Variants in EVI5 observed in about 807,000 individuals in gnomAD.
The protein encoded by EVI5 is ecotropic viral integration site 5.
In EVI5, 73 loss-of-function variants were observed where a neutral mutation model predicts 112.0. The ratio of observed to expected loss-of-function variants is 0.65; its 90% CI spans 0.54 to 0.79. EVI5 has a LOEUF of 0.79. Ranked by LOEUF, EVI5 falls within the 30% of genes least tolerant of loss-of-function variation. The probability of loss-of-function intolerance (pLI) is 0.00; values close to 1 mark genes in which losing one functional copy is unlikely to be tolerated. For synonymous variants in EVI5, 305 were observed against 319.9 expected, an observed-to-expected ratio of 0.95 and a Z score of 0.50; for missense variants, 900 against 968.8, an observed-to-expected ratio of 0.93 and a Z score of 0.94.
intron 1 of EVI5, among the ~76,000 whole-genome samples, chr1:92,775,939 T>C (rs1385130933): frequency 1.3e-5 from 2 of 151,998 alleles, no homozygotes; most frequent in Admixed American, 1.3e-4. Flanking sequence ...AAACCCTGAT[T>C]CTACTAAAAA....
intron 1 of EVI5, among the ~76,000 whole-genome samples, chr1:92,772,554 T>C (rs1173194414): frequency 6.7e-6 from 1 of 150,316 alleles, no homozygotes; most frequent in East Asian, 1.9e-4. Flanking sequence ...ATTCCACCAC[T>C]ATTCATTTAT....
chr1:92,786,910 T>G (rs1214037905), upstream of EVI5, among the ~76,000 whole-genome samples: 2 of 152,212 alleles, frequency 1.3e-5, no homozygotes, highest in African/African-American at 4.8e-5. Flanking sequence ...CTTCCTGGCC[T>G]CAACAGAGCT....
At chr1:92,546,321 T>C (rs1006443630) in intron 19 of EVI5, among the ~76,000 whole-genome samples, 3 of 152,128 alleles carry the variant, frequency 2.0e-5, no homozygotes, top group Non-Finnish European at 4.4e-5. Context: ...TCCACTGTTA[T>C]AAAGATGATA....
intron 1 of EVI5, among the ~76,000 whole-genome samples, chr1:92,754,184 G>C (rs1680582124): frequency 6.6e-6 from 1 of 152,146 alleles, no homozygotes; most frequent in Non-Finnish European, 1.5e-5. Context: ...CAAACATCAG[G>C]CTATCTCAGC....
chr1:92,766,668 A>G (rs896341872), intron 1 of EVI5, among the ~76,000 whole-genome samples: 44 of 152,228 alleles, frequency 2.9e-4, no homozygotes, highest in African/African-American at 1.0e-3. Context: ...CATTTTAGTT[A>G]CTTTAACTAC....
chr1:92,612,858 T>C (rs1297483150), intron 16 of EVI5, among the ~76,000 whole-genome samples: 1 of 151,408 alleles, frequency 6.6e-6, no homozygotes. Flanking sequence ...CTAGAATAAA[T>C]ATCAGACTGG....
At chr1:92,548,350 AAAT>A (rs1420054520) in intron 19 of EVI5, among the ~76,000 whole-genome samples, 2 of 152,194 alleles carry the variant, frequency 1.3e-5, no homozygotes, top group African/African-American at 2.4e-5. Context: ...ACGTATCTCA[AAAT>A]AATAAGAGCT....
At chr1:92,714,485 T>C (rs1425323360) in intron 2 of EVI5, among the ~76,000 whole-genome samples, 2 of 152,198 alleles carry the variant, frequency 1.3e-5, no homozygotes. Flanking sequence ...TAGAGAGAAT[T>C]CAAATTATTA....
intron 2 of EVI5, among the ~76,000 whole-genome samples, chr1:92,725,751 C>T (rs979567051): frequency 1.3e-5 from 2 of 149,324 alleles, no homozygotes; most frequent in African/African-American, 2.5e-5. Flanking sequence ...GCATGCAAAG[C>T]AGAAGAAAAG....
chr1:92,635,120 G>A (rs781335146), intron 14 of EVI5, among the ~76,000 whole-genome samples: 25 of 152,132 alleles, frequency 1.6e-4, no homozygotes, highest in South Asian at 2.1e-4. Context: ...TAGGCTACTC[G>A]GGGGTCAGGG....
chr1:92,573,575 C>T (rs529265457), intron 18 of EVI5, among the ~76,000 whole-genome samples: 1 of 152,136 alleles, frequency 6.6e-6, no homozygotes, highest in South Asian at 2.1e-4. Context: ...CAAATGGTCT[C>T]CACATTTCCA....
chr1:92,624,045 G>A, intron 16 of EVI5, 131 bp downstream of exon 16: 1 of 713,498 alleles, frequency 1.4e-6, no homozygotes, highest in Non-Finnish European at 2.3e-6. Flanking sequence ...CTTCATTTGG[G>A]CTAGAAAACT....
At chr1:92,622,547 G>A (rs987071203) in intron 16 of EVI5, among the ~76,000 whole-genome samples, 6 of 152,190 alleles carry the variant, frequency 3.9e-5, no homozygotes, top group African/African-American at 1.4e-4. Flanking sequence ...CAGAACTGGA[G>A]TTACATGTAT....
chr1:92,590,918 G>A (rs1033394365), intron 18 of EVI5, among the ~76,000 whole-genome samples: 7 of 152,220 alleles, frequency 4.6e-5, no homozygotes, highest in Admixed American at 6.5e-5. Flanking sequence ...TGATCTCTCA[G>A]CAGAAACTCT....
rs1274405836 is a variant in EVI5, at chr1:92,508,809, A to C, written c.*4847T>G. On this transcript the variant is annotated 3_prime_UTR_variant, in exon 20 of 20. Coordinates refer to ENST00000684568, the MANE Select transcript of EVI5 (RefSeq NM_001350197.2). ...CAATAGCAAAATGAAACACATTATA[A>C]CTTTGCTTCTTGGTAGTATACTGAA... is the stretch of plus-strand genomic sequence containing the variant. The C allele has an allele frequency of 1.3e-5, 2 of 152,628 alleles. No individual in the cohort carries two copies. The highest frequency in any genetic ancestry group is 2.4e-5 in the African/African-American group (1 of 41,460). The allele number at this position is 152,628 out of a possible 1,614,324, so 9.5% of individuals were successfully genotyped here. A position where few individuals can be genotyped will look rare whatever the true frequency, so the allele number is the denominator to read the frequency against.
At chr1:92,713,993 T>A in intron 2 of EVI5, 2 of 977,526 alleles carry the variant, frequency 2.0e-6, no homozygotes, top group Non-Finnish European at 2.4e-6. Flanking sequence ...TACTTGAGAC[T>A]TACCTCCATA....
At chr1:92,592,085 T>C (rs747753834) in intron 18 of EVI5, among the ~76,000 whole-genome samples, 12 of 151,926 alleles carry the variant, frequency 7.9e-5, no homozygotes, top group Admixed American at 2.0e-4. Flanking sequence ...CTACTAAAAA[T>C]ACAAAAAATT....
At chr1:92,673,964 T>C (rs1263172476) in intron 10 of EVI5, among the ~76,000 whole-genome samples, 3 of 152,224 alleles carry the variant, frequency 2.0e-5, no homozygotes, top group Non-Finnish European at 4.4e-5. Context: ...GCTAATTTTA[T>C]ACTTCCATAT....
At chr1:92,716,427 C>G (rs921906386) in intron 2 of EVI5, among the ~76,000 whole-genome samples, 2 of 152,172 alleles carry the variant, frequency 1.3e-5, no homozygotes, top group Non-Finnish European at 2.9e-5. Context: ...GCATCAACAT[C>G]AACAAAAAGG....
Sources: allele counts gnomAD v4.1 joint callset (sites outside exome capture counted in the v4.1 genomes callset), GRCh38; gene constraint gnomAD v4.1.1; transcripts MANE v1.5; gene names NCBI Gene and HGNC (gene_info 2026-07-23, HGNC 2026-07-21).